SV2C: variants seen among roughly 807,000 people sequenced by gnomAD.
SV2C encodes the protein synaptic vesicle glycoprotein 2C.
In SV2C, 49 loss-of-function variants were observed where a neutral mutation model predicts 79.7. The ratio of observed to expected loss-of-function variants is 0.61; its 90% CI spans 0.49 to 0.78. SV2C has a LOEUF of 0.78. SV2C is among the 30% of genes least tolerant of loss of function. SV2C has a pLI of 0.00. For synonymous variants in SV2C, 334 were observed against 333.2 expected (o/e 1.00, Z -0.03); for missense variants, 833 against 912.9 (o/e 0.91, Z 1.13).
At chr5:76,206,331 A>T (rs1744606919) in intron 3 of SV2C, among the ~76,000 whole-genome samples, 1 of 152,162 alleles carries the variant, frequency 6.6e-6, no homozygotes, top group African/African-American at 2.4e-5. Flanking sequence ...GGTGTTATAG[A>T]AGCTCCTGGA....
the SV2C span, among the ~76,000 whole-genome samples, chr5:75,886,148 T>A: frequency 0.011 from 1,693 of 152,246 alleles, 23 homozygotes; most frequent in African/African-American, 0.036. Flanking sequence ...GCAAAGGAGA[T>A]GAGACTCTAC....
intron 12 of SV2C, among the ~76,000 whole-genome samples, chr5:76,306,372 T>G (rs996649959): frequency 1.3e-5 from 2 of 152,158 alleles, no homozygotes; most frequent in Non-Finnish European, 2.9e-5. Context: ...GATACTCTTA[T>G]CCAAGGGTTT....
chr5:76,113,600 TA>T (rs1343106210), intron 1 of SV2C, among the ~76,000 whole-genome samples: 1 of 152,220 alleles, frequency 6.6e-6, no homozygotes, highest in Admixed American at 6.5e-5. Flanking sequence ...GAATATTCAG[TA>T]GTCCACTTGG....
upstream of SV2C, among the ~76,000 whole-genome samples, chr5:76,080,054 G>A (rs1300233328): frequency 2.0e-5 from 3 of 151,648 alleles, no homozygotes; most frequent in Non-Finnish European, 2.9e-5. Context: ...TTCTCCGTGG[G>A]CTTTGTTTTT....
chr5:76,130,163 AAAAAAAAAAAAAAAAAAG>A (rs1461204946), intron 1 of SV2C, among the ~76,000 whole-genome samples: 1 of 144,894 alleles, frequency 6.9e-6, no homozygotes, highest in Non-Finnish European at 1.5e-5. Context: ...AAAAAAAAAA[AAAAAAAAAAAAAAAAAAG>A]AGCTGGGGGA....
the SV2C span, among the ~76,000 whole-genome samples, chr5:75,868,724 C>G: frequency 6.6e-6 from 1 of 152,156 alleles, no homozygotes; most frequent in South Asian, 2.1e-4. Flanking sequence ...GGGCAGAGTC[C>G]CAGGGCTGGG....
the SV2C span, among the ~76,000 whole-genome samples, chr5:75,847,570 C>T: frequency 6.6e-6 from 1 of 152,192 alleles, no homozygotes. Flanking sequence ...ATTTCAAGTC[C>T]AACTTGTATA....
At chr5:76,245,936 A>ATGTGTATGTGTG (rs375007331) in intron 4 of SV2C, among the ~76,000 whole-genome samples, 157 of 129,146 alleles carry the variant, frequency 1.2e-3, no homozygotes, top group Middle Eastern at 4.1e-3. Context: ...GTGTGTGTGT[A>ATGTGTATGTGTG]TGTGTGTGTG....
intron 12 of SV2C, among the ~76,000 whole-genome samples, chr5:76,306,211 C>T (rs1379286043): frequency 6.6e-6 from 1 of 152,100 alleles, no homozygotes; most frequent in African/African-American, 2.4e-5. Flanking sequence ...CCATGCCAGG[C>T]TAATTTATTT....
At chr5:76,298,333 T>C (rs963992608) in intron 9 of SV2C, among the ~76,000 whole-genome samples, 5 of 152,134 alleles carry the variant, frequency 3.3e-5, no homozygotes, top group Admixed American at 2.6e-4. Context: ...GAAGAAGACT[T>C]GGATTTTCAG....
At chr5:76,232,369 T>G (rs902627517) in intron 4 of SV2C, among the ~76,000 whole-genome samples, 5 of 151,070 alleles carry the variant, frequency 3.3e-5, no homozygotes, top group Admixed American at 6.6e-5. Flanking sequence ...TTGCGAAAAT[T>G]TTCTCTCATT....
chr5:76,084,278 G>C (rs902212374), intron 1 of SV2C: 2 of 152,332 alleles, frequency 1.3e-5, no homozygotes, highest in Non-Finnish European at 2.9e-5. Context: ...AAGCTCAGAG[G>C]GGAGAGGGAC....
chr5:75,968,829 A>G, the SV2C span, among the ~76,000 whole-genome samples: 1 of 152,210 alleles, frequency 6.6e-6, no homozygotes, highest in Non-Finnish European at 1.5e-5. Flanking sequence ...AGAGAACACC[A>G]CAAAGATACT....
At chr5:76,246,941 G>A (rs1255206322) in intron 4 of SV2C, among the ~76,000 whole-genome samples, 1 of 152,174 alleles carries the variant, frequency 6.6e-6, no homozygotes, top group African/African-American at 2.4e-5. Context: ...AGCCATGGAT[G>A]GATGGTATGG....
chr5:75,848,542 C>G, the SV2C span, among the ~76,000 whole-genome samples: 1 of 152,220 alleles, frequency 6.6e-6, no homozygotes, highest in Admixed American at 6.5e-5. Context: ...CACTGCTGGA[C>G]TGAGAAATCT....
the SV2C span, among the ~76,000 whole-genome samples, chr5:75,990,016 G>T: frequency 1.4e-5 from 2 of 148,068 alleles, no homozygotes; most frequent in Non-Finnish European, 3.0e-5. Flanking sequence ...TAAATTCCTT[G>T]TAGATGCTGA....
intron 4 of SV2C, among the ~76,000 whole-genome samples, chr5:76,248,643 C>T (rs1445429782): frequency 3.4e-5 from 5 of 147,672 alleles, no homozygotes; most frequent in East Asian, 2.0e-4. Context: ...TTTTTTGAGA[C>T]GGCCTTGCTC....
chr5:76,135,614 A>G (rs12657223), intron 2 of SV2C, among the ~76,000 whole-genome samples: 43,520 of 152,102 alleles, frequency 0.29, 6,721 homozygotes, highest in East Asian at 0.5. Context: ...AGATGAACAC[A>G]GTGAGCACAA....
chr5:76,082,577 T>C (rs1194970845), upstream of SV2C, among the ~76,000 whole-genome samples: 1 of 145,656 alleles, frequency 6.9e-6, no homozygotes, highest in Non-Finnish European at 1.5e-5. Flanking sequence ...CTTTCTCTTT[T>C]TCTTTCTTTC....
Sources: allele counts gnomAD v4.1 joint callset (sites outside exome capture counted in the v4.1 genomes callset), GRCh38; gene constraint gnomAD v4.1.1; transcripts MANE v1.5; gene names NCBI Gene and HGNC (gene_info 2026-07-23, HGNC 2026-07-21).